The following CSMD1 variants were observed in gnomAD, a reference collection of about 807,000 sequenced individuals.
CSMD1 encodes the protein CUB and Sushi multiple domains 1.
A neutral mutation model predicts 417.5 loss-of-function variants in CSMD1; 213 were observed. The observed-to-expected ratio is 0.51, with a 90% CI of 0.46 to 0.57. The LOEUF is 0.57. CSMD1 is among the 20% of genes least tolerant of loss of function. CSMD1 has a pLI of 0.00. For missense variants in CSMD1, 6,923 were observed against 4,529.7 expected (o/e 1.53, Z -15.17); for synonymous variants, 2,862 against 1,736.8 (o/e 1.65, Z -16.11).
intron 7 of CSMD1, among the ~76,000 whole-genome samples, chr8:3,703,268 A>G (rs1469779070): frequency 6.6e-6 from 1 of 152,196 alleles, no homozygotes; most frequent in African/African-American, 2.4e-5. Context: ...GGTTTTGTGC[A>G]TGTTAATGAT....
At chr8:4,941,602 A>T (rs954980183) in intron 1 of CSMD1, among the ~76,000 whole-genome samples, 28 of 150,246 alleles carry the variant, frequency 1.9e-4, no homozygotes, top group Non-Finnish European at 3.6e-4. Flanking sequence ...TTAATTTTTA[A>T]TTTTTATTTT....
At chr8:3,765,116 T>C (rs1042042317) in intron 5 of CSMD1, among the ~76,000 whole-genome samples, 3 of 152,212 alleles carry the variant, frequency 2.0e-5, no homozygotes, top group African/African-American at 7.2e-5. Flanking sequence ...ACTGTCTTAG[T>C]ACTGAAGACC....
At chr8:3,609,201 T>G (rs1217968234) in intron 8 of CSMD1, among the ~76,000 whole-genome samples, 3 of 152,234 alleles carry the variant, frequency 2.0e-5, no homozygotes, top group Admixed American at 6.5e-5. Context: ...TAATTACATC[T>G]GCCTGGACAT....
At chr8:4,624,393 G>T (rs1456007769) in intron 2 of CSMD1, among the ~76,000 whole-genome samples, 4 of 152,156 alleles carry the variant, frequency 2.6e-5, no homozygotes, top group African/African-American at 9.6e-5. Context: ...CCAGTTTTGG[G>T]GTCAACTTCT....
At chr8:4,384,167 C>G (rs147333273) in intron 3 of CSMD1, among the ~76,000 whole-genome samples, 2 of 152,282 alleles carry the variant, frequency 1.3e-5, no homozygotes, top group African/African-American at 4.8e-5. Context: ...TGCCAGGATT[C>G]TCTAAGAAAG....
At chr8:4,885,747 G>A (rs1165069796) in intron 1 of CSMD1, among the ~76,000 whole-genome samples, 5 of 151,522 alleles carry the variant, frequency 3.3e-5, no homozygotes, top group African/African-American at 1.2e-4. Flanking sequence ...AAATAAAAAT[G>A]AAACAATATT....
At chr8:4,060,335 TC>T (rs1328849645) in intron 3 of CSMD1, among the ~76,000 whole-genome samples, 1 of 152,164 alleles carries the variant, frequency 6.6e-6, no homozygotes, top group African/African-American at 2.4e-5. Context: ...ACAGCCGATA[TC>T]ATACTGAATG....
At chr8:3,302,894 G>A (rs1804527302) in intron 25 of CSMD1, among the ~76,000 whole-genome samples, 2 of 152,118 alleles carry the variant, frequency 1.3e-5, no homozygotes. Flanking sequence ...AAAGTGAGTG[G>A]GGTTGCAGGT....
chr8:3,075,837 C>G (rs753816924), intron 49 of CSMD1, among the ~76,000 whole-genome samples: 1 of 149,782 alleles, frequency 6.7e-6, no homozygotes, highest in East Asian at 2.0e-4. Flanking sequence ...GTCAGGAGAT[C>G]GAGACCATCC....
chr8:4,733,166 C>T (rs1380259364), intron 1 of CSMD1, among the ~76,000 whole-genome samples: 1 of 152,158 alleles, frequency 6.6e-6, no homozygotes. Context: ...TCAATGTCTA[C>T]CAAGTACTGA....
At chr8:3,895,950 A>C (rs1807329742) in intron 5 of CSMD1, among the ~76,000 whole-genome samples, 1 of 152,320 alleles carries the variant, frequency 6.6e-6, no homozygotes, top group South Asian at 2.1e-4. Flanking sequence ...TTTAGGTCCC[A>C]CTTGTAAAAG....
chr8:2,947,809 C>G lies in CSMD1; in HGVS notation c.10402+1490G>C, dbSNP rs1802354791. On this transcript the variant is annotated intron_variant, in intron 68 of 69. Transcript: ENST00000635120. ...ATGCATTTATTCCATTTCATTACCT[C>G]AAAATAATATAACCCAATTTAACAT... is the stretch of plus-strand genomic sequence containing the variant. Among the ~76,000 whole-genome samples the G allele has an allele frequency of 2.6e-5, 4 of 152,060 alleles. No individual in the cohort carries two copies. In the South Asian group the frequency reaches 8.3e-4, roughly 32 times the overall value.
At chr8:4,217,777 G>T (rs1015473130) in intron 3 of CSMD1, among the ~76,000 whole-genome samples, 9 of 152,246 alleles carry the variant, frequency 5.9e-5, no homozygotes, top group African/African-American at 2.2e-4. Flanking sequence ...GGGCAGGATT[G>T]TTGGGCTAAG....
chr8:4,656,887 T>G (rs989729483), intron 1 of CSMD1, among the ~76,000 whole-genome samples: 1 of 152,010 alleles, frequency 6.6e-6, no homozygotes, highest in Non-Finnish European at 1.5e-5. Context: ...CCCCAACATC[T>G]TATCTGTCCT....
rs1798101459 is a variant in CSMD1 at position 3,763,146 on chromosome 8, C to T, written c.819-9104G>A. Among the ~76,000 whole-genome samples, 3 of 152,278 alleles carry T rather than the reference C, an allele frequency of 2.0e-5. No individual in the cohort carries two copies. The South Asian group carries it at 6.2e-4, about 32-fold the overall frequency. Reference sequence around the variant, plus strand: ...CTCAATGCACATTGGCTGAATAAGCCAAAGAGGTCTCTTCACCCACACTCC... The same window carrying T: ...CTCAATGCACATTGGCTGAATAAGCTAAAGAGGTCTCTTCACCCACACTCC... On this transcript the variant is annotated intron_variant, in intron 5 of 69. Transcript: ENST00000635120.
chr8:3,450,935 T>C (rs1372064460), intron 12 of CSMD1, among the ~76,000 whole-genome samples: 1 of 152,094 alleles, frequency 6.6e-6, no homozygotes, highest in East Asian at 1.9e-4. Flanking sequence ...TCACCAACAG[T>C]GTAAAAGTGT....
At chr8:4,658,886 C>A (rs1804406681) in intron 1 of CSMD1, among the ~76,000 whole-genome samples, 1 of 152,024 alleles carries the variant, frequency 6.6e-6, no homozygotes, top group Non-Finnish European at 1.5e-5. Context: ...TATATAGGAG[C>A]ACAACTTTTC....
At chr8:4,595,336 C>T (rs1236291497) in intron 2 of CSMD1, among the ~76,000 whole-genome samples, 7 of 64,168 alleles carry the variant, frequency 1.1e-4, no homozygotes, top group Non-Finnish European at 1.9e-4. Flanking sequence ...ATAATCATGT[C>T]GATTCAACAA....
intron 7 of CSMD1, among the ~76,000 whole-genome samples, chr8:3,626,404 T>C (rs751176312): frequency 6.6e-6 from 1 of 152,216 alleles, no homozygotes; most frequent in African/African-American, 2.4e-5. Context: ...CAGTTTATAT[T>C]ACTTTGCATA....
Sources: allele counts gnomAD v4.1 joint callset (sites outside exome capture counted in the v4.1 genomes callset), GRCh38; gene constraint gnomAD v4.1.1; transcripts MANE v1.5; gene names NCBI Gene and HGNC (gene_info 2026-07-23, HGNC 2026-07-21).